Variants in RBFOX1 observed in about 807,000 individuals in gnomAD.
RBFOX1 encodes RNA binding protein fox-1 homolog 1.
Under a neutral mutation model 57.7 loss-of-function variants are expected in RBFOX1, and 8 were observed. That is an observed-to-expected ratio of 0.14 (90% CI 0.08 to 0.25). RBFOX1 has a LOEUF of 0.25. Ranked by LOEUF, RBFOX1 falls within the 10% of genes least tolerant of loss-of-function variation. The probability of loss-of-function intolerance (pLI) is 1.00; values close to 1 mark genes in which losing one functional copy is unlikely to be tolerated. For missense variants in RBFOX1, 611 were observed against 548.5 expected (o/e 1.11, Z -1.14); for synonymous variants, 326 against 222.4 (o/e 1.47, Z -4.15).
At chr16:6,220,937 G>A (rs886449263) in intron 1 of RBFOX1, among the ~76,000 whole-genome samples, 6 of 151,832 alleles carry the variant, frequency 4.0e-5, no homozygotes, top group Admixed American at 6.6e-5. Context: ...AACTTGTAAT[G>A]GCTATCAAAT....
Position 6,927,414 on chromosome 16 carries a change from C to CAAAAAAAAAAAAAAAAAAAAAAAAAA in RBFOX1, c.-15-124618_-15-124617insAAAAAAAAAAAAAAAAAAAAAAAAAA, listed in dbSNP as rs1194663760. On this transcript the variant is annotated intron_variant, in intron 3 of 15. Transcript: ENST00000550418. ...GGCAACAGAGTGAGACGCTTTCTCA[C>CAAAAAAAAAAAAAAAAAAAAAAAAAA]AAAAAAAAAAAAAAAAAAAAAAAAA... Among the ~76,000 whole-genome samples the CAAAAAAAAAAAAAAAAAAAAAAAAAA allele has an allele frequency of 3.8e-4, 20 of 53,144 alleles. 2 individuals are homozygous for CAAAAAAAAAAAAAAAAAAAAAAAAAA. Among genetic ancestry groups the CAAAAAAAAAAAAAAAAAAAAAAAAAA allele is most frequent in the African/African-American group, 1.9e-3 (18 of 9,278 alleles). The allele number at this position is 53,144 out of a possible 152,430, so 34.9% of individuals were successfully genotyped here. A position where few individuals can be genotyped will look rare whatever the true frequency, so the allele number is the denominator to read the frequency against.
intron 4 of RBFOX1, among the ~76,000 whole-genome samples, chr16:7,149,507 G>A (rs866411228): frequency 3.7e-4 from 41 of 110,746 alleles, no homozygotes; most frequent in African/African-American, 9.1e-4. Flanking sequence ...TTTTTTCCCC[G>A]ACAGGGTCTC....
chr16:7,232,566 C>G (rs1313329092), intron 4 of RBFOX1, among the ~76,000 whole-genome samples: 1 of 152,068 alleles, frequency 6.6e-6, no homozygotes. Flanking sequence ...ACAGGCCAGG[C>G]ATAAGCGGCT....
In RBFOX1 at chr16:5,517,621, A is replaced by G. The variant is rs565083598; in HGVS notation, c.258+50367A>G. ...CAGGGTGAGTTTCCTAAGATGTGTG[A>G]TTGAGGAAATAATGTTTGGCATCTC... is the stretch of plus-strand genomic sequence containing the variant. On this transcript the variant is annotated intron_variant, in intron 2 of 2. Transcript: ENST00000585867. 2.2e-4 allele frequency among the ~76,000 whole-genome samples: 34 copies of G among 152,296 alleles called. No individual in the cohort carries two copies. The Middle Eastern group carries it at 0.01, about 46-fold the overall frequency.
intron 2 of RBFOX1, among the ~76,000 whole-genome samples, chr16:6,428,630 G>A (rs908726228): frequency 3.3e-5 from 5 of 152,114 alleles, no homozygotes; most frequent in Non-Finnish European, 5.9e-5. Context: ...TGGATAATAA[G>A]CTTGCTGTCA....
intron 3 of RBFOX1, among the ~76,000 whole-genome samples, chr16:6,806,301 C>T (rs1258863796): frequency 6.6e-6 from 1 of 152,022 alleles, no homozygotes; most frequent in Non-Finnish European, 1.5e-5. Context: ...TTTGTAGTAA[C>T]CTGATAATGT....
chr16:7,071,707 T>C (rs7203758), intron 4 of RBFOX1, among the ~76,000 whole-genome samples: 2,681 of 152,070 alleles, frequency 0.018, 84 homozygotes, highest in African/African-American at 0.061. Context: ...CTACCTGAAT[T>C]CTAGGTCCCT....
chr16:6,582,186 T>C (rs1051469954), intron 2 of RBFOX1, among the ~76,000 whole-genome samples: 3 of 152,230 alleles, frequency 2.0e-5, no homozygotes, highest in East Asian at 1.9e-4. Context: ...TTTGTGATAG[T>C]AAAAATTTCC....
At chr16:5,982,955 G>T (rs2060202858) in intron 4 of RBFOX1, among the ~76,000 whole-genome samples, 1 of 152,190 alleles carries the variant, frequency 6.6e-6, no homozygotes, top group Admixed American at 6.5e-5. Context: ...TATAGTCCCA[G>T]ATGTACCATT....
At chr16:7,464,107 A>C (rs764093698) in intron 4 of RBFOX1, among the ~76,000 whole-genome samples, 1 of 152,110 alleles carries the variant, frequency 6.6e-6, no homozygotes, top group Admixed American at 6.6e-5. Context: ...TTACTTGTAC[A>C]TTGCCACTCC....
chr16:6,271,956 A>G (rs1379912525), intron 1 of RBFOX1, among the ~76,000 whole-genome samples: 1 of 152,208 alleles, frequency 6.6e-6, no homozygotes, highest in Admixed American at 6.5e-5. Context: ...TTATAAAGCT[A>G]GAATTACCCT....
chr16:6,906,856 G>A (rs1285692377), intron 3 of RBFOX1, among the ~76,000 whole-genome samples: 1 of 151,656 alleles, frequency 6.6e-6, no homozygotes, highest in African/African-American at 2.4e-5. Flanking sequence ...CTGAGTAGCT[G>A]AGATTACAGG....
At position 6,544,427 on chromosome 16, in the gene RBFOX1, G is replaced by T. The variant is rs56066042; in HGVS notation, c.-63-110176G>T. On this transcript the variant is annotated intron_variant, in intron 2 of 15. Coordinates refer to ENST00000550418, the MANE Select transcript of RBFOX1 (RefSeq NM_018723.4). ...CCTAAATTAGTTCTTGGCTTCACTGGTCCAGCTTAGTTGAACGGATGTTCT... is the reference window on the plus strand; with the variant it reads ...CCTAAATTAGTTCTTGGCTTCACTGTTCCAGCTTAGTTGAACGGATGTTCT... Among the ~76,000 whole-genome samples the T allele has an allele frequency of 9.2e-3, 1,400 of 152,246 alleles. 23 individuals carry two copies. Among genetic ancestry groups the T allele is most frequent in the African/African-American group, 0.031 (1,301 of 41,544 alleles).
At chr16:7,129,266 C>A (rs2069523210) in intron 4 of RBFOX1, among the ~76,000 whole-genome samples, 3 of 151,964 alleles carry the variant, frequency 2.0e-5, no homozygotes, top group African/African-American at 7.3e-5. Context: ...CACAATTGAA[C>A]CAATCATTTT....
chr16:7,083,085 G>A (rs1046179855), intron 4 of RBFOX1, among the ~76,000 whole-genome samples: 1 of 152,080 alleles, frequency 6.6e-6, no homozygotes, highest in Non-Finnish European at 1.5e-5. Flanking sequence ...ATGTCACTCT[G>A]CTCATTTCAA....
At chr16:5,965,968 C>A (rs1370577201) in intron 4 of RBFOX1, among the ~76,000 whole-genome samples, 2 of 152,164 alleles carry the variant, frequency 1.3e-5, no homozygotes, top group African/African-American at 2.4e-5. Flanking sequence ...TGAAATGTTT[C>A]GGCCAAGGAG....
chr16:6,776,892 C>A (rs1490817429), intron 3 of RBFOX1, among the ~76,000 whole-genome samples: 6 of 152,140 alleles, frequency 3.9e-5, no homozygotes, highest in African/African-American at 1.4e-4. Flanking sequence ...ATTTTAATTA[C>A]AGCAAATATT....
At chr16:7,107,000 C>CACACACACACACACAA (rs2063733894) in intron 4 of RBFOX1, among the ~76,000 whole-genome samples, 1 of 151,844 alleles carries the variant, frequency 6.6e-6, no homozygotes, top group Admixed American at 6.6e-5. Context: ...CACACACACA[C>CACACACACACACACAA]ACACACACTA....
Position 7,518,061 on chromosome 16 carries a change from G to T in RBFOX1, c.28-86G>T, listed in dbSNP as rs868452870. 6.0e-6 allele frequency: 9 copies of T among 1,499,074 alleles called. No homozygotes were observed. The African/African-American group carries it at 8.3e-5, about 14-fold the overall frequency. The allele number at this position is 1,499,074 out of a possible 1,614,324, so 92.9% of individuals were successfully genotyped here. On this transcript the variant is annotated intron_variant, in intron 4 of 15. Coordinates refer to ENST00000550418, the MANE Select transcript of RBFOX1 (RefSeq NM_018723.4). The stretch of plus-strand genomic sequence containing the variant: ...GACCCCTAGAAAGTACGCGGGGCAC[G>T]ATCGTCCTGGGATCTGGGAGGAAGG...
Sources: allele counts gnomAD v4.1 joint callset (sites outside exome capture counted in the v4.1 genomes callset), GRCh38; gene constraint gnomAD v4.1.1; transcripts MANE v1.5; gene names NCBI Gene and HGNC (gene_info 2026-07-23, HGNC 2026-07-21).